NUP93: variants seen among roughly 807,000 people sequenced by gnomAD.
NUP93 encodes the protein nucleoporin 93.
Under a neutral mutation model 107.8 loss-of-function variants are expected in NUP93, and 55 were observed. The ratio of observed to expected loss-of-function variants is 0.51; its 90% CI spans 0.41 to 0.64. The LOEUF (loss-of-function observed/expected upper bound fraction) is 0.64. Ranked by LOEUF, NUP93 falls within the 30% of genes least tolerant of loss-of-function variation. The pLI is 0.00. For synonymous variants in NUP93, 390 were observed against 397.5 expected, an observed-to-expected ratio of 0.98 and a Z score of 0.22; for missense variants, 937 against 1,044.7, an observed-to-expected ratio of 0.90 and a Z score of 1.42.
intron 5 of NUP93, among the ~76,000 whole-genome samples, chr16:56,810,307 G>A (rs189460780): frequency 6.6e-6 from 1 of 152,262 alleles, no homozygotes; most frequent in East Asian, 1.9e-4. Context: ...GATGTATAAC[G>A]TATAGATGGA....
At position 56,846,872 on chromosome 16, in the gene NUP93, C is replaced by T. The variant is rs1053576220; in HGVS notation, c.*2263C>T. On this transcript the variant is annotated 3_prime_UTR_variant, in exon 22 of 22. Coordinates refer to ENST00000308159, the MANE Select transcript of NUP93 (RefSeq NM_014669.5). The stretch of plus-strand genomic sequence containing the variant: ...GTTTGCTCCTGGCTTACCTCTTCTT[C>T]ACTATCCCATGAGAATCGTGGATTT... 1 of 152,230 alleles carries T rather than the reference C, an allele frequency of 6.6e-6. No homozygotes were observed. The highest frequency in any genetic ancestry group is 1.5e-5 in the Non-Finnish European group (1 of 68,052). 9.4% of individuals were successfully genotyped at this position (152,230 alleles called of 1,614,324 possible).
chr16:56,751,799 C>T (rs1451136863), intron 2 of NUP93, among the ~76,000 whole-genome samples: 1 of 152,164 alleles, frequency 6.6e-6, no homozygotes, highest in Non-Finnish European at 1.5e-5. Context: ...CTCCAGCTTC[C>T]ATGACTTTCT....
intron 3 of NUP93, among the ~76,000 whole-genome samples, chr16:56,759,726 A>G (rs988877630): frequency 6.6e-6 from 1 of 151,734 alleles, no homozygotes; most frequent in Non-Finnish European, 1.5e-5. Flanking sequence ...CCCCCGTACA[A>G]CTGCTTGAGG....
At chr16:56,735,828 CAAAA>C (rs58346838) in intron 1 of NUP93, among the ~76,000 whole-genome samples, 3 of 106,960 alleles carry the variant, frequency 2.8e-5, no homozygotes, top group Admixed American at 9.4e-5. Context: ...AACTCCGTCT[CAAAA>C]AAAAAAAAAA....
At chr16:56,802,658 A>G (rs1963046343) in intron 4 of NUP93, among the ~76,000 whole-genome samples, 2 of 152,160 alleles carry the variant, frequency 1.3e-5, no homozygotes, top group African/African-American at 2.4e-5. Flanking sequence ...AAACATCCCA[A>G]TTGTAGGAAG....
chr16:56,763,063 T>C (rs1962154379), intron 3 of NUP93, among the ~76,000 whole-genome samples: 1 of 152,206 alleles, frequency 6.6e-6, no homozygotes, highest in African/African-American at 2.4e-5. Flanking sequence ...GACATATCTT[T>C]TTGTGGGACA....
chr16:56,822,063 C>T (rs527840190), intron 7 of NUP93, among the ~76,000 whole-genome samples: 28 of 148,350 alleles, frequency 1.9e-4, no homozygotes, highest in African/African-American at 6.8e-4. Context: ...TCCTGCCTCA[C>T]CCTTTATTCC....
At chr16:56,812,330 G>T (rs1271371446) in intron 5 of NUP93, among the ~76,000 whole-genome samples, 1 of 151,978 alleles carries the variant, frequency 6.6e-6, no homozygotes, top group Non-Finnish European at 1.5e-5. Context: ...GGTAATATCT[G>T]TTCCTAGCAA....
Position 56,846,218 on chromosome 16 carries a change from C to T in NUP93, c.*1609C>T, listed in dbSNP as rs1964115085. The T allele has an allele frequency of 6.6e-6, 1 of 150,890 alleles. No individual in the cohort carries two copies. The allele number at this position is 150,890 out of a possible 1,614,324, so 9.3% of individuals were successfully genotyped here. On this transcript the variant is annotated 3_prime_UTR_variant, in exon 22 of 22. Transcript: ENST00000308159. ...CTGAGATCAGGAGTTCAAGACCAGC[C>T]TGGCCAACATTGTGACACCCCGTCT...
chr16:56,821,636 T>A (rs1184479962), intron 7 of NUP93, 43 bp downstream of exon 7: 1 of 1,348,382 alleles, frequency 7.4e-7, no homozygotes, highest in Admixed American at 1.7e-5. Flanking sequence ...GGGTCCAGTG[T>A]TCCGATGGGC....
chr16:56,752,447 G>A (rs552938525), intron 2 of NUP93, among the ~76,000 whole-genome samples: 2 of 152,112 alleles, frequency 1.3e-5, no homozygotes, highest in Non-Finnish European at 2.9e-5. Flanking sequence ...GTGATTCCAG[G>A]ACATATTATT....
intron 3 of NUP93, among the ~76,000 whole-genome samples, chr16:56,768,633 A>G (rs564190101): frequency 2.7e-4 from 41 of 151,482 alleles, no homozygotes; most frequent in African/African-American, 4.8e-4. Flanking sequence ...TTTGGAGGCC[A>G]AGGCGGGCGG....
At chr16:56,843,628 AT>A (rs1312176609) in intron 21 of NUP93, among the ~76,000 whole-genome samples, 48 of 152,322 alleles carry the variant, frequency 3.2e-4, no homozygotes, top group Admixed American at 3.1e-3. Context: ...GAGCCCTTTT[AT>A]TCACTTCTAA....
At chr16:56,840,310 G>A (rs909337539) in intron 20 of NUP93, among the ~76,000 whole-genome samples, 3 of 152,148 alleles carry the variant, frequency 2.0e-5, no homozygotes, top group Admixed American at 6.5e-5. Flanking sequence ...GTGAGCCACC[G>A]TGCCCAGCCA....
chr16:56,804,357 A>G (rs1380634915), intron 4 of NUP93, among the ~76,000 whole-genome samples: 1 of 152,242 alleles, frequency 6.6e-6, no homozygotes, highest in African/African-American at 2.4e-5. Flanking sequence ...ATATTCATAC[A>G]GTGGAATATT....
intron 3 of NUP93, among the ~76,000 whole-genome samples, chr16:56,798,206 CT>C (rs540737354): frequency 3.9e-4 from 59 of 152,348 alleles, no homozygotes; most frequent in African/African-American, 1.1e-3. Context: ...ACAGTCTTGA[CT>C]TTCCACTTTT....
intron 3 of NUP93, among the ~76,000 whole-genome samples, chr16:56,792,664 A>G (rs1962794811): frequency 6.6e-6 from 1 of 152,240 alleles, no homozygotes; most frequent in African/African-American, 2.4e-5. Context: ...TGTGTAACAC[A>G]CTTATACCTG....
intron 5 of NUP93, among the ~76,000 whole-genome samples, chr16:56,808,702 A>T (rs1410366860): frequency 9.6e-5 from 4 of 41,494 alleles, no homozygotes; most frequent in Admixed American, 2.8e-4. Context: ...TAAATATATA[A>T]AAATACATAT....
At chr16:56,748,510 C>G (rs987932695) in intron 2 of NUP93, 84 bp downstream of exon 2, 3 of 1,207,774 alleles carry the variant, frequency 2.5e-6, no homozygotes, top group Non-Finnish European at 3.4e-6. Context: ...GAATTCAGAT[C>G]CAATCTGTGA....
Sources: allele counts gnomAD v4.1 joint callset (sites outside exome capture counted in the v4.1 genomes callset), GRCh38; gene constraint gnomAD v4.1.1; transcripts MANE v1.5; gene names NCBI Gene and HGNC (gene_info 2026-07-23, HGNC 2026-07-21).